The following MROH2B variants were observed in gnomAD, a reference collection of about 807,000 sequenced individuals.
MROH2B encodes the protein maestro heat like repeat family member 2B.
In MROH2B, 177 loss-of-function variants were observed where a neutral mutation model predicts 208.6. That is an observed-to-expected ratio of 0.85 (90% CI 0.75 to 0.96). MROH2B has a LOEUF of 0.96. Ranked by LOEUF, MROH2B falls within the 40% of genes least tolerant of loss-of-function variation. The pLI, the probability that MROH2B is intolerant of heterozygous loss-of-function variation, is 0.00. For synonymous variants in MROH2B, 728 were observed against 659.0 expected, an observed-to-expected ratio of 1.10 and a Z score of -1.60; for missense variants, 2,002 against 1,878.7, an observed-to-expected ratio of 1.07 and a Z score of -1.21.
intron 9 of MROH2B, among the ~76,000 whole-genome samples, chr5:41,056,588 G>C (rs1003569445): frequency 3.3e-5 from 5 of 151,694 alleles, no homozygotes; most frequent in African/African-American, 4.8e-5. Context: ...GGTGCCCCCC[G>C]TGCATCCCAT....
At chr5:41,043,085 C>A (rs1428617424) in intron 18 of MROH2B, among the ~76,000 whole-genome samples, 1 of 152,150 alleles carries the variant, frequency 6.6e-6, no homozygotes, top group Non-Finnish European at 1.5e-5. Flanking sequence ...AATGAGTGGT[C>A]ATTACTGACA....
At chr5:41,042,653 G>A (rs1742991554) in intron 18 of MROH2B, among the ~76,000 whole-genome samples, 1 of 152,132 alleles carries the variant, frequency 6.6e-6, no homozygotes, top group South Asian at 2.1e-4. Flanking sequence ...TGCCCAGGCT[G>A]GAGTGCAGTG....
rs1743400952 is a variant in MROH2B at position 41,054,980 on chromosome 5, C to A, written c.1034-140G>T. 4 of 500,132 alleles carry A rather than the reference C, an allele frequency of 8.0e-6. No homozygotes were observed. The East Asian group carries it at 1.3e-4, about 16-fold the overall frequency. The allele number at this position is 500,132 out of a possible 1,614,324, so 31.0% of individuals were successfully genotyped here. Reference sequence around the variant, plus strand: ...AACAACCTATTTGTTTTTCAATGCCCTCCCATCCTCTTTGTTTCCAAATCT... The same window carrying A: ...AACAACCTATTTGTTTTTCAATGCCATCCCATCCTCTTTGTTTCCAAATCT... On this transcript the variant is annotated intron_variant, in intron 10 of 41. Coordinates refer to ENST00000399564, the MANE Select transcript of MROH2B (RefSeq NM_173489.5).
intron 32 of MROH2B, 43 bp downstream of exon 32, chr5:41,009,237 G>A: frequency 1.2e-6 from 2 of 1,608,048 alleles, no homozygotes; most frequent in Middle Eastern, 1.8e-4. Flanking sequence ...CATAAAGATG[G>A]CGCAGTCTCA....
chr5:41,000,629 T>C (rs776529067), intron 38 of MROH2B, 49 bp downstream of exon 38: 18 of 1,560,858 alleles, frequency 1.2e-5, no homozygotes, highest in Middle Eastern at 3.4e-4. Context: ...TTGGTACTTC[T>C]CAGCCATGGG....
chr5:41,018,945 G>T lies in MROH2B; in HGVS notation c.2515C>A (p.Leu839Ile). ...CTTTTCAGATTTTCCAGAGGTGGAA[G>T]GGGCAGCAGCCTCCGAATATTCTCC... The part of the protein sequence containing the change: ...LEENIRRLLP[L>I]PPLENLKSEG... The change falls in exon 25 of 42, where the codon CTT (leucine) becomes ATT (isoleucine). Residue 839 changes from leucine (L) to isoleucine (I), a missense_variant. Transcript: ENST00000399564. 1 of 1,613,888 alleles carries T rather than the reference G, an allele frequency of 6.2e-7. No homozygotes were observed. Among genetic ancestry groups the T allele is most frequent in the Non-Finnish European group, 8.5e-7 (1 of 1,179,866 alleles).
chr5:41,033,276 C>A, intron 22 of MROH2B, 116 bp from the exon 23 acceptor site: 1 of 1,412,806 alleles, frequency 7.1e-7, no homozygotes, highest in Non-Finnish European at 9.6e-7. Flanking sequence ...TCTTTGCTTC[C>A]TTTGCCATCT....
At chr5:41,002,961 C>CTTT (rs200774331) in intron 37 of MROH2B, among the ~76,000 whole-genome samples, 1 of 136,514 alleles carries the variant, frequency 7.3e-6, no homozygotes, top group African/African-American at 2.7e-5. Flanking sequence ...TTAAAAATTG[C>CTTT]TTTTTTTTTT....
chr5:41,002,324 A>AT (rs1554046301), intron 37 of MROH2B, among the ~76,000 whole-genome samples: 1 of 152,180 alleles, frequency 6.6e-6, no homozygotes, highest in Non-Finnish European at 1.5e-5. Flanking sequence ...CCTCATGTTC[A>AT]CTTGAGAACA....
At chr5:41,056,604 G>A (rs1743460166) in intron 9 of MROH2B, among the ~76,000 whole-genome samples, 1 of 151,702 alleles carries the variant, frequency 6.6e-6, no homozygotes, top group Non-Finnish European at 1.5e-5. Flanking sequence ...CCCATGTCAG[G>A]CCTTCTAATC....
intron 10 of MROH2B, among the ~76,000 whole-genome samples, 173 bp downstream of exon 10, chr5:41,055,569 A>G (rs1743421392): frequency 6.6e-6 from 1 of 152,222 alleles, no homozygotes; most frequent in Admixed American, 6.5e-5. Flanking sequence ...AAGTAACTAA[A>G]GATGCCTGTT....
intron 17 of MROH2B, among the ~76,000 whole-genome samples, chr5:41,047,103 C>G (rs1477546435): frequency 6.6e-6 from 1 of 152,098 alleles, no homozygotes; most frequent in African/African-American, 2.4e-5. Flanking sequence ...AGCTCCCTGT[C>G]TGTGGGCTTC....
At chr5:41,061,784 A>G in intron 5 of MROH2B, 60 bp from the exon 6 acceptor site, 1 of 1,526,912 alleles carries the variant, frequency 6.5e-7, no homozygotes, top group Non-Finnish European at 8.8e-7. Context: ...CAGACGATAA[A>G]ATAATTTGAG....
In MROH2B at chr5:41,004,520, T is replaced by C; in HGVS notation, c.4020A>G (p.Lys1340=). 1 of 1,605,300 alleles carries C rather than the reference T, an allele frequency of 6.2e-7. No homozygotes were observed. Among genetic ancestry groups the C allele is most frequent in the Non-Finnish European group, 8.5e-7 (1 of 1,177,512 alleles). Residue 1340 remains lysine (K), a synonymous_variant, in exon 37 of 42, where the codon AAA becomes AAG. Coordinates refer to ENST00000399564, the MANE Select transcript of MROH2B (RefSeq NM_173489.5). ...TASGAPHKVK[K]HKQLMLESII... ...TAGATTCTAGCATTAACTGCTTATG[T>C]TTCTTCACCTATTTTGAAATAAGAC...
chr5:41,004,301 T>C lies in MROH2B; in HGVS notation c.4194+45A>G, dbSNP rs1404716513. ...TGAGCACTACCTAAACCTGTTTCTG[T>C]TCACTCACTTCTGGGGAGGGAAGTT... On this transcript the variant is annotated intron_variant, in intron 37 of 41. Transcript: ENST00000399564. 2.5e-6 allele frequency: 4 copies of C among 1,585,928 alleles called. No homozygotes were observed. In the African/African-American group the frequency reaches 4.1e-5, roughly 16 times the overall value.
intron 37 of MROH2B, 141 bp downstream of exon 37, chr5:41,004,205 A>C: frequency 4.7e-5 from 41 of 867,706 alleles, no homozygotes; most frequent in Non-Finnish European, 5.8e-5. Context: ...CAGCTTGTAT[A>C]GAGATTGTCT....
In MROH2B at chr5:41,055,811, C is replaced by G; in HGVS notation, c.964G>C (p.Val322Leu). The change falls in exon 10 of 42, where the codon GTA (valine) becomes CTA (leucine). Residue 322 changes from valine to leucine, a missense_variant. Coordinates refer to ENST00000399564, the MANE Select transcript of MROH2B (RefSeq NM_173489.5). ...CGAATGGCTTCATTATTACTTCTTACTTGTTCATCAAAAAATTCCATCAGC... is the reference window on the plus strand; with the variant it reads ...CGAATGGCTTCATTATTACTTCTTAGTTGTTCATCAAAAAATTCCATCAGC... ...GELMEFFDEQ[V>L]RSNNEAIRVG... 6.2e-7 allele frequency: 1 copy of G among 1,613,828 alleles called. No individual in the cohort carries two copies. The highest frequency in any genetic ancestry group is 8.5e-7 in the Non-Finnish European group (1 of 1,179,824).
At chr5:41,062,900 C>A (rs1309497572) in intron 5 of MROH2B, among the ~76,000 whole-genome samples, 2 of 150,342 alleles carry the variant, frequency 1.3e-5, no homozygotes, top group Non-Finnish European at 3.0e-5. Flanking sequence ...TGTAAGCAAC[C>A]TGAAGTAAGG....
At chr5:41,066,844 G>GA (rs985175823) in intron 3 of MROH2B, among the ~76,000 whole-genome samples, 10 of 152,040 alleles carry the variant, frequency 6.6e-5, no homozygotes, top group African/African-American at 2.4e-4. Flanking sequence ...GTGTTACTTT[G>GA]AAAAAAACAT....
Sources: allele counts gnomAD v4.1 joint callset (sites outside exome capture counted in the v4.1 genomes callset), GRCh38; gene constraint gnomAD v4.1.1; transcripts MANE v1.5; gene names NCBI Gene and HGNC (gene_info 2026-07-23, HGNC 2026-07-21).